Variants in EPHA6 observed in about 807,000 individuals in gnomAD.
EPHA6 encodes ephrin type-A receptor 6.
In EPHA6, 50 loss-of-function variants were observed where a neutral mutation model predicts 112.0. The ratio of observed to expected loss-of-function variants is 0.45; its 90% CI spans 0.36 to 0.56. The LOEUF (loss-of-function observed/expected upper bound fraction) is 0.56. Ranked by LOEUF, EPHA6 falls within the 20% of genes least tolerant of loss-of-function variation. EPHA6 has a pLI of 0.00. For synonymous variants in EPHA6, 529 were observed against 490.7 expected (o/e 1.08, Z -1.03); for missense variants, 1,280 against 1,417.4 (o/e 0.90, Z 1.56).
At chr3:97,666,283 G>T (rs556920554) in intron 14 of EPHA6, among the ~76,000 whole-genome samples, 66 of 152,306 alleles carry the variant, frequency 4.3e-4, no homozygotes, top group Admixed American at 1.8e-3. Flanking sequence ...GAGAGAGATT[G>T]TGCTTTTATT....
intron 14 of EPHA6, among the ~76,000 whole-genome samples, chr3:97,655,440 A>G (rs1003224745): frequency 2.0e-5 from 3 of 151,858 alleles, no homozygotes; most frequent in Admixed American, 1.3e-4. Context: ...GAAGGTTGAG[A>G]AAAAAAGAGA....
chr3:97,575,094 G>C (rs2093369849), intron 11 of EPHA6, among the ~76,000 whole-genome samples: 1 of 151,992 alleles, frequency 6.6e-6, no homozygotes, highest in African/African-American at 2.4e-5. Flanking sequence ...ACTGAAGAGA[G>C]TGATACTATC....
chr3:96,882,658 A>C (rs963024212), intron 2 of EPHA6, among the ~76,000 whole-genome samples: 4 of 151,878 alleles, frequency 2.6e-5, no homozygotes, highest in African/African-American at 9.7e-5. Context: ...AATAGTCTCC[A>C]GTCTCATCCA....
intron 5 of EPHA6, among the ~76,000 whole-genome samples, chr3:97,354,473 A>C (rs1451694458): frequency 1.3e-5 from 2 of 152,146 alleles, no homozygotes; most frequent in African/African-American, 4.8e-5. Context: ...TGACATACAA[A>C]GAATGCATCA....
At chr3:97,636,681 C>G (rs548728800) in intron 13 of EPHA6, among the ~76,000 whole-genome samples, 14 of 152,086 alleles carry the variant, frequency 9.2e-5, no homozygotes, top group Non-Finnish European at 2.1e-4. Flanking sequence ...GTCACCATGA[C>G]AGCTAGGGTA....
intron 7 of EPHA6, among the ~76,000 whole-genome samples, chr3:97,464,587 T>C (rs1476783669): frequency 6.6e-6 from 1 of 152,006 alleles, no homozygotes; most frequent in African/African-American, 2.4e-5. Flanking sequence ...GATTTGAATC[T>C]GCCCCCACCG....
intron 5 of EPHA6, 127 bp from the exon 6 acceptor site, chr3:97,405,023 T>A (rs2087247561): frequency 1.0e-6 from 1 of 981,330 alleles, no homozygotes; most frequent in African/African-American, 1.7e-5. Context: ...ATCTTATTAA[T>A]CTGCCTTCAA....
At chr3:97,459,178 A>C (rs1212053239) in intron 7 of EPHA6, among the ~76,000 whole-genome samples, 1 of 152,180 alleles carries the variant, frequency 6.6e-6, no homozygotes, top group Non-Finnish European at 1.5e-5. Context: ...GCAAGTGTAG[A>C]GATCAAAGAG....
chr3:97,208,073 T>C (rs1291996519), intron 3 of EPHA6, among the ~76,000 whole-genome samples: 5 of 152,168 alleles, frequency 3.3e-5, no homozygotes, highest in Admixed American at 3.3e-4. Flanking sequence ...ATAGAGCTAT[T>C]GCAAGCAGGG....
At chr3:97,640,321 C>T (rs1448409256) in intron 14 of EPHA6, among the ~76,000 whole-genome samples, 2 of 151,972 alleles carry the variant, frequency 1.3e-5, no homozygotes, top group Non-Finnish European at 2.9e-5. Flanking sequence ...AAATTTGGGG[C>T]CATAGGCAAT....
rs1039830647 is a variant in EPHA6, at chr3:97,759,922, G to A, written c.*11221G>A. Reference sequence around the variant, plus strand: ...CTGTGGTTTCCAAGGACTCTGGTAAGAGTCCTTTCCATAATGTAGAGATTG... The same window carrying A: ...CTGTGGTTTCCAAGGACTCTGGTAAAAGTCCTTTCCATAATGTAGAGATTG... On this transcript the variant is annotated 3_prime_UTR_variant, in exon 18 of 18. Coordinates refer to ENST00000389672, the MANE Select transcript of EPHA6 (RefSeq NM_001080448.3). 5 of 197,624 alleles carry A rather than the reference G, an allele frequency of 2.5e-5. No individual in the cohort carries two copies. The highest frequency in any genetic ancestry group is 4.2e-5 in the Non-Finnish European group (4 of 95,302). The allele number at this position is 197,624 out of a possible 1,614,324, so 12.2% of individuals were successfully genotyped here. A position where few individuals can be genotyped will look rare whatever the true frequency, so the allele number is the denominator to read the frequency against.
At position 96,911,593 on chromosome 3, in the gene EPHA6, C is replaced by T. The variant is rs1322018615; in HGVS notation, c.450+44704C>T. Among the ~76,000 whole-genome samples, 11 of 151,968 alleles carry T rather than the reference C, an allele frequency of 7.2e-5. No individual in the cohort carries two copies. In the East Asian group the frequency reaches 1.7e-3, roughly 24 times the overall value. On this transcript the variant is annotated intron_variant, in intron 2 of 17. Coordinates refer to ENST00000389672, the MANE Select transcript of EPHA6 (RefSeq NM_001080448.3). Reference sequence around the variant, plus strand: ...GCAAAAAAAATGAAATTAATAAAATCAAAGTTTAACATTTGTTCATACATG... The same window carrying T: ...GCAAAAAAAATGAAATTAATAAAATTAAAGTTTAACATTTGTTCATACATG...
At chr3:97,287,456 C>T (rs1576849659) in intron 5 of EPHA6, among the ~76,000 whole-genome samples, 1 of 146,614 alleles carries the variant, frequency 6.8e-6, no homozygotes, top group East Asian at 1.9e-4. Flanking sequence ...CAGAGCAAGA[C>T]TCCGTCTCAA....
At chr3:97,689,672 T>C (rs777381118) in intron 14 of EPHA6, among the ~76,000 whole-genome samples, 2 of 152,216 alleles carry the variant, frequency 1.3e-5, no homozygotes. Context: ...ATGTCGATCA[T>C]TTAAAGTGTT....
intron 1 of EPHA6, among the ~76,000 whole-genome samples, chr3:96,842,097 C>T (rs2034788121): frequency 6.6e-6 from 1 of 152,082 alleles, no homozygotes; most frequent in Admixed American, 6.6e-5. Context: ...GGCAGCCTCC[C>T]ATCCATCTTG....
chr3:97,431,265 C>T (rs1364927016), intron 6 of EPHA6, among the ~76,000 whole-genome samples: 1 of 151,966 alleles, frequency 6.6e-6, no homozygotes, highest in African/African-American at 2.4e-5. Context: ...GAAATATCAA[C>T]ATTTCCATAG....
At chr3:97,148,928 A>G (rs2076105172) in intron 3 of EPHA6, among the ~76,000 whole-genome samples, 3 of 152,116 alleles carry the variant, frequency 2.0e-5, no homozygotes, top group Admixed American at 6.6e-5. Flanking sequence ...GGCAAATGTC[A>G]GAGTAGCCAC....
intron 2 of EPHA6, among the ~76,000 whole-genome samples, chr3:96,952,531 C>T (rs1318100726): frequency 1.3e-5 from 2 of 152,130 alleles, no homozygotes; most frequent in African/African-American, 4.8e-5. Flanking sequence ...CATGTTATAA[C>T]TCAGTATGAA....
At chr3:97,619,903 C>T (rs2093799819) in intron 13 of EPHA6, among the ~76,000 whole-genome samples, 1 of 151,916 alleles carries the variant, frequency 6.6e-6, no homozygotes. Context: ...CTTCACAGAA[C>T]TAGAAAAAAC....
Sources: gnomAD v4.1 joint callset for allele counts (sites outside exome capture counted in the v4.1 genomes callset) on GRCh38, gnomAD v4.1.1 for gene constraint, MANE v1.5 for transcripts, NCBI Gene and HGNC (gene_info 2026-07-23, HGNC 2026-07-21) for gene names.